The following KCNAB1 variants were observed in gnomAD, a reference collection of about 807,000 sequenced individuals.
KCNAB1 encodes voltage-gated potassium channel subunit beta-1.
A neutral mutation model predicts 64.6 loss-of-function variants in KCNAB1; 35 were observed. The ratio of observed to expected loss-of-function variants is 0.54; its 90% CI spans 0.41 to 0.72. The LOEUF is 0.72. Among genes scored for constraint, KCNAB1 ranks in the 30% least tolerant of loss-of-function variants. The pLI, the probability that KCNAB1 is intolerant of heterozygous loss-of-function variation, is 0.00. For synonymous variants in KCNAB1, 177 were observed against 183.8 expected (o/e 0.96, Z 0.30); for missense variants, 401 against 512.9 (o/e 0.78, Z 2.11).
intron 1 of KCNAB1, among the ~76,000 whole-genome samples, chr3:156,202,995 T>A (rs1480579293): frequency 6.6e-6 from 1 of 151,940 alleles, no homozygotes; most frequent in African/African-American, 2.4e-5. Flanking sequence ...GATAATTTTT[T>A]AAAGTTTTTA....
intron 13 of KCNAB1, 71 bp downstream of exon 13, chr3:156,531,568 C>A (rs1718703872): frequency 9.1e-7 from 1 of 1,103,380 alleles, no homozygotes; most frequent in Non-Finnish European, 1.4e-6. Context: ...AGGCAGTGTC[C>A]CATCTCTCCC....
At chr3:156,478,257 A>G (rs1214016298) in intron 8 of KCNAB1, among the ~76,000 whole-genome samples, 1 of 151,914 alleles carries the variant, frequency 6.6e-6, no homozygotes, top group Non-Finnish European at 1.5e-5. Flanking sequence ...ACTTGCATCC[A>G]TTTCTGTTTA....
chr3:156,245,843 C>A (rs1717420928), intron 1 of KCNAB1, among the ~76,000 whole-genome samples: 1 of 152,030 alleles, frequency 6.6e-6, no homozygotes, highest in African/African-American at 2.4e-5. Flanking sequence ...AAAAATCAGC[C>A]CAGAGAAAGG....
intron 2 of KCNAB1, among the ~76,000 whole-genome samples, chr3:156,439,224 ATT>A (rs56259743): frequency 0.026 from 2,984 of 114,954 alleles, 51 homozygotes; most frequent in East Asian, 0.078. Flanking sequence ...CATCATTGTG[ATT>A]TTTTTTTTTT....
At chr3:156,356,991 T>C (rs111451939) in intron 1 of KCNAB1, among the ~76,000 whole-genome samples, 155 of 152,356 alleles carry the variant, frequency 1.0e-3, no homozygotes, top group African/African-American at 3.6e-3. Context: ...CAGATGCCTC[T>C]GGCATGTTGT....
chr3:156,184,508 G>A (rs909364398), intron 1 of KCNAB1, among the ~76,000 whole-genome samples: 4 of 152,232 alleles, frequency 2.6e-5, no homozygotes, highest in Admixed American at 6.5e-5. Flanking sequence ...AGGCTAAAAA[G>A]AAGTTGCCAG....
chr3:156,424,501 T>A (rs553323894), intron 2 of KCNAB1, among the ~76,000 whole-genome samples: 1 of 152,310 alleles, frequency 6.6e-6, no homozygotes, highest in South Asian at 2.1e-4. Context: ...CACTCTGACC[T>A]TAGTTTTTTT....
At chr3:156,395,653 A>T (rs1047398985) in intron 1 of KCNAB1, among the ~76,000 whole-genome samples, 2 of 149,770 alleles carry the variant, frequency 1.3e-5, no homozygotes, top group Non-Finnish European at 3.0e-5. Context: ...CTAGTGCTGC[A>T]AATTTTATTG....
chr3:156,430,237 G>A (rs538784621), intron 2 of KCNAB1, among the ~76,000 whole-genome samples: 3 of 152,282 alleles, frequency 2.0e-5, no homozygotes, highest in African/African-American at 4.8e-5. Flanking sequence ...TATTTCACAC[G>A]CTGTCAGAGT....
At chr3:156,295,057 A>G (rs1420277054) in intron 1 of KCNAB1, among the ~76,000 whole-genome samples, 1 of 152,238 alleles carries the variant, frequency 6.6e-6, no homozygotes, top group African/African-American at 2.4e-5. Context: ...GAAACAGACC[A>G]TAAATAACAA....
At chr3:156,439,533 T>C (rs1716847824) in intron 2 of KCNAB1, among the ~76,000 whole-genome samples, 1 of 152,260 alleles carries the variant, frequency 6.6e-6, no homozygotes, top group Non-Finnish European at 1.5e-5. Context: ...AAAATCTCCA[T>C]CTCACTTTGA....
At chr3:156,203,830 A>T (rs916380136) in intron 1 of KCNAB1, among the ~76,000 whole-genome samples, 1 of 152,226 alleles carries the variant, frequency 6.6e-6, no homozygotes, top group Admixed American at 6.5e-5. Context: ...AATATTTTCT[A>T]AAGTTTACTC....
intron 2 of KCNAB1, among the ~76,000 whole-genome samples, chr3:156,424,057 A>T (rs1175652949): frequency 1.3e-5 from 2 of 152,122 alleles, no homozygotes; most frequent in Non-Finnish European, 2.9e-5. Context: ...AATGGTGGAG[A>T]TTGTATCGAA....
At chr3:156,137,204 C>T (rs553424782) in intron 1 of KCNAB1, among the ~76,000 whole-genome samples, 12 of 125,638 alleles carry the variant, frequency 9.6e-5, no homozygotes, top group African/African-American at 2.5e-4. Flanking sequence ...GGTTATAGTG[C>T]GTATGTATCA....
Position 156,413,599 on chromosome 3 carries a change from G to C in KCNAB1, c.276-8017G>C, listed in dbSNP as rs144265028. Among the ~76,000 whole-genome samples the C allele has an allele frequency of 2.6e-3, 393 of 152,336 alleles. 3 individuals carry two copies. The highest frequency in any genetic ancestry group is 9.0e-3 in the African/African-American group (375 of 41,568). On this transcript the variant is annotated intron_variant, in intron 1 of 13. Coordinates refer to ENST00000490337, the MANE Select transcript of KCNAB1 (RefSeq NM_172160.3). ...AAGGCTTTGCTGATAGTAAGTGATA[G>C]AGGCACTGCCGCACTATGCTGCATT...
chr3:156,247,422 T>C (rs1717523933), intron 1 of KCNAB1, among the ~76,000 whole-genome samples: 1 of 152,190 alleles, frequency 6.6e-6, no homozygotes, highest in Non-Finnish European at 1.5e-5. Context: ...ATATGTTCAC[T>C]TGGTTTTTTT....
Position 156,333,944 on chromosome 3 carries a change from C to G in KCNAB1, c.276-87672C>G, listed in dbSNP as rs1723513485. Among the ~76,000 whole-genome samples, 7 of 127,728 alleles carry G rather than the reference C, an allele frequency of 5.5e-5. No individual in the cohort carries two copies. In the South Asian group the frequency reaches 1.8e-3, roughly 33 times the overall value. The allele number at this position is 127,728 out of a possible 152,430, so 83.8% of individuals were successfully genotyped here. A position where few individuals can be genotyped will look rare whatever the true frequency, so the allele number is the denominator to read the frequency against. On this transcript the variant is annotated intron_variant, in intron 1 of 13. Transcript: ENST00000490337. ...CTTTTCATGTTGATGTGTTTGCGCT[C>G]TTTATAAAAAAATTATCTTTTTAGA...
intron 8 of KCNAB1, among the ~76,000 whole-genome samples, chr3:156,483,115 TTCTC>T (rs1247977760): frequency 1.3e-5 from 2 of 152,134 alleles, no homozygotes; most frequent in Non-Finnish European, 2.9e-5. Flanking sequence ...ATGTGACCTG[TTCTC>T]TCTATCTACC....
At chr3:156,497,785 A>C (rs964656108) in intron 8 of KCNAB1, among the ~76,000 whole-genome samples, 1 of 152,222 alleles carries the variant, frequency 6.6e-6, no homozygotes. Context: ...AACATTAGGA[A>C]AACTATTCTT....
Sources: allele counts gnomAD v4.1 joint callset (sites outside exome capture counted in the v4.1 genomes callset), GRCh38; gene constraint gnomAD v4.1.1; transcripts MANE v1.5; gene names NCBI Gene and HGNC (gene_info 2026-07-23, HGNC 2026-07-21).